Variants in APBA2 observed in about 807,000 individuals in gnomAD.
APBA2 encodes amyloid beta precursor protein binding family A member 2.
In APBA2, 30 loss-of-function variants were observed where a neutral mutation model predicts 75.0. The ratio of observed to expected loss-of-function variants is 0.40; its 90% CI spans 0.30 to 0.54. The LOEUF is 0.54. Among genes scored for constraint, APBA2 ranks in the 20% least tolerant of loss-of-function variants. APBA2 has a pLI of 0.49. For synonymous variants in APBA2, 444 were observed against 409.6 expected, an observed-to-expected ratio of 1.08 and a Z score of -1.01; for missense variants, 801 against 1,016.1, an observed-to-expected ratio of 0.79 and a Z score of 2.88.
intron 3 of APBA2, among the ~76,000 whole-genome samples, chr15:29,004,789 C>T (rs2039026680): frequency 6.6e-6 from 1 of 152,188 alleles, no homozygotes. Flanking sequence ...AAGCAATTCT[C>T]CTGCCTCAGC....
chr15:29,010,571 A>G (rs1317600825), intron 3 of APBA2, among the ~76,000 whole-genome samples: 3 of 152,078 alleles, frequency 2.0e-5, no homozygotes, highest in Non-Finnish European at 2.9e-5. Context: ...AGTTCTTTAT[A>G]TAGTTAGTAC....
intron 2 of APBA2, among the ~76,000 whole-genome samples, chr15:28,936,167 G>A (rs1289122018): frequency 6.6e-6 from 1 of 152,190 alleles, no homozygotes; most frequent in Admixed American, 6.5e-5. Flanking sequence ...TGTGGAAGAC[G>A]TGATGGTTTT....
At position 28,915,743 on chromosome 15, in the gene APBA2, C is replaced by T. The variant is rs2033660919; in HGVS notation, c.-204-5897C>T. Among the ~76,000 whole-genome samples the T allele has an allele frequency of 1.3e-5, 2 of 151,138 alleles. 1 individual carries two copies. The highest frequency in any genetic ancestry group is 4.9e-5 in the African/African-American group (2 of 41,072). On this transcript the variant is annotated intron_variant, in intron 1 of 14. Coordinates refer to ENST00000683413, the MANE Select transcript of APBA2 (RefSeq NM_001353788.2). ...CACACTACACCATGCACACAAAACA[C>T]ACACACTCAACTCTTCCACACTACA...
At chr15:29,021,766 C>G (rs1482465053) in intron 3 of APBA2, among the ~76,000 whole-genome samples, 1 of 152,156 alleles carries the variant, frequency 6.6e-6, no homozygotes, top group African/African-American at 2.4e-5. Flanking sequence ...GCTCGGACAG[C>G]TGATACCGTG....
At chr15:29,069,954 C>T (rs982780016) in intron 4 of APBA2, among the ~76,000 whole-genome samples, 3 of 152,220 alleles carry the variant, frequency 2.0e-5, no homozygotes, top group African/African-American at 7.2e-5. Context: ...AAGTGGAGGA[C>T]GTGTGCAGGT....
At position 29,054,471 on chromosome 15, in the gene APBA2, A is replaced by G; in HGVS notation, c.587A>G (p.Tyr196Cys). The G allele has an allele frequency of 1.2e-6, 2 of 1,614,082 alleles. No individual in the cohort carries two copies. The highest frequency in any genetic ancestry group is 1.7e-6 in the Non-Finnish European group (2 of 1,180,002). Residue 196 changes from tyrosine (Y) to cysteine (C), a missense_variant, in exon 4 of 15, where the codon TAC (tyrosine) becomes TGC (cysteine). By Grantham distance (194) the Tyr-to-Cys change is radical (BLOSUM62 -2). This residue lies in a region of APBA2 where 434 missense variants were observed against 471.6 expected (regional missense o/e 0.92). Transcript: ENST00000683413. The surrounding 1 kb of genome is among the most constrained non-coding windows in gnomAD (Gnocchi z 6.1). ...YCASKEGYQD[Y>C]YPEEANGNTG... is the part of the protein sequence containing the mutation. Reference sequence around the variant, plus strand: ...GCCAGCAAAGAGGGCTACCAGGACTACTACCCCGAGGAGGCCAACGGGAAC... The same window carrying G: ...GCCAGCAAAGAGGGCTACCAGGACTGCTACCCCGAGGAGGCCAACGGGAAC...
intron 2 of APBA2, among the ~76,000 whole-genome samples, chr15:28,988,413 G>A (rs1293678240): frequency 6.6e-6 from 1 of 151,772 alleles, no homozygotes; most frequent in Admixed American, 6.6e-5. Context: ...ACAGGCGCCC[G>A]CCACTGCACA....
intron 13 of APBA2, among the ~76,000 whole-genome samples, chr15:29,111,061 A>G (rs911332257): frequency 6.6e-6 from 1 of 152,054 alleles, no homozygotes; most frequent in Non-Finnish European, 1.5e-5. Context: ...GCAGCAGCAG[A>G]CTTGCGGGGC....
At chr15:28,898,457 C>T (rs911180799) in intron 1 of APBA2, among the ~76,000 whole-genome samples, 2 of 152,082 alleles carry the variant, frequency 1.3e-5, no homozygotes, top group African/African-American at 4.8e-5. Context: ...TGCCACGTAA[C>T]GTTGAGCAAA....
At chr15:28,888,948 G>A (rs2031944122) in intron 1 of APBA2, among the ~76,000 whole-genome samples, 2 of 151,856 alleles carry the variant, frequency 1.3e-5, no homozygotes, top group Non-Finnish European at 2.9e-5. Flanking sequence ...CAGCCTGTGT[G>A]CCCGGTGGGG....
At chr15:28,954,001 C>T (rs1265426061) in intron 2 of APBA2, among the ~76,000 whole-genome samples, 1 of 152,166 alleles carries the variant, frequency 6.6e-6, no homozygotes, top group African/African-American at 2.4e-5. Flanking sequence ...ACAACAGGCA[C>T]CAAGCTGTCC....
chr15:28,964,910 T>C lies in APBA2; in HGVS notation c.-94-30843T>C, dbSNP rs569665857. The stretch of plus-strand genomic sequence containing the variant: ...TTTGCAAATAATTTCTCCCAGAGTA[T>C]AATTTTTTTTTCTGTTATCTTAACT... On this transcript the variant is annotated intron_variant, in intron 2 of 14. Transcript: ENST00000683413. 1.8e-3 allele frequency among the ~76,000 whole-genome samples: 268 copies of C among 152,248 alleles called. 1 individual carries two copies. Among genetic ancestry groups the C allele is most frequent in the African/African-American group, 6.3e-3 (263 of 41,564 alleles).
intron 3 of APBA2, among the ~76,000 whole-genome samples, chr15:29,041,570 G>A (rs1308839530): frequency 1.3e-5 from 2 of 149,312 alleles, no homozygotes; most frequent in Non-Finnish European, 3.0e-5. Context: ...ATATAAATAA[G>A]AAAATATACA....
chr15:29,018,646 G>A (rs1039379423), intron 3 of APBA2, among the ~76,000 whole-genome samples: 6 of 152,194 alleles, frequency 3.9e-5, no homozygotes, highest in African/African-American at 1.4e-4. Context: ...GAGCTGCCAG[G>A]GAAGCTTTGA....
In APBA2 at chr15:29,013,273, CTTT is replaced by C. The variant is rs560518234; in HGVS notation, c.-41+17489_-41+17491del. Among the ~76,000 whole-genome samples, 648 of 85,824 alleles carry C rather than the reference CTTT, an allele frequency of 7.6e-3. 3 individuals are homozygous for C. Among genetic ancestry groups the C allele is most frequent in the African/African-American group, 0.031 (623 of 20,058 alleles). 56.3% of individuals were successfully genotyped at this position (85,824 alleles called of 152,430 possible). A position where few individuals can be genotyped will look rare whatever the true frequency, so the allele number is the denominator to read the frequency against. On this transcript the variant is annotated intron_variant, in intron 3 of 14. Coordinates refer to ENST00000683413, the MANE Select transcript of APBA2 (RefSeq NM_001353788.2). ...ATGTCATATAGGAAAATGAGTCATT[CTTT>C]TTTTTTTTTTTTTTTTTTTTTGAGA...
intron 3 of APBA2, among the ~76,000 whole-genome samples, chr15:29,009,649 A>G (rs2039302049): frequency 6.6e-6 from 1 of 151,582 alleles, no homozygotes; most frequent in Non-Finnish European, 1.5e-5. Context: ...AAATGTTTGA[A>G]TTTTTTTTTA....
intron 1 of APBA2, among the ~76,000 whole-genome samples, chr15:28,891,673 C>T (rs142266652): frequency 0.028 from 4,324 of 152,212 alleles, 226 homozygotes; most frequent in African/African-American, 0.098. Flanking sequence ...GAATCAACTG[C>T]GCAGAGAGAT....
chr15:29,080,766 G>A (rs2043052263), intron 6 of APBA2, among the ~76,000 whole-genome samples: 1 of 152,136 alleles, frequency 6.6e-6, no homozygotes, highest in African/African-American at 2.4e-5. Flanking sequence ...AGGTAAACAC[G>A]TGCTCATTAA....
At chr15:28,921,421 C>T (rs1407628926) in intron 1 of APBA2, among the ~76,000 whole-genome samples, 1 of 152,182 alleles carries the variant, frequency 6.6e-6, no homozygotes, top group African/African-American at 2.4e-5. Context: ...GGGGGAGAAT[C>T]ACGGTCAACT....
Sources: allele counts gnomAD v4.1 joint callset (sites outside exome capture counted in the v4.1 genomes callset), GRCh38; gene constraint gnomAD v4.1.1; regional missense constraint gnomAD v4.1.1; non-coding constraint Gnocchi (gnomAD v3.1); transcripts MANE v1.5; gene names NCBI Gene and HGNC (gene_info 2026-07-23, HGNC 2026-07-21).